Variants in ATP13A3 observed in about 807,000 individuals in gnomAD.
ATP13A3 encodes ATPase 13A3.
ATP13A3 carries 59 observed loss-of-function variants against 158.1 expected under a neutral mutation model. The ratio of observed to expected loss-of-function variants is 0.37; its 90% CI spans 0.30 to 0.46. The LOEUF (loss-of-function observed/expected upper bound fraction) is 0.46. ATP13A3 is among the 20% of genes least tolerant of loss of function. The probability of loss-of-function intolerance (pLI) is 1.00; values close to 1 mark genes in which losing one functional copy is unlikely to be tolerated. For missense variants in ATP13A3, 1,166 were observed against 1,525.2 expected (o/e 0.76, Z 3.92); for synonymous variants, 491 against 504.3 (o/e 0.97, Z 0.35).
rs1714880571 is a variant in ATP13A3 at position 194,405,662 on chromosome 3, A to C, written c.*257T>G. ...AATATCACTGAAAGTAACAATCAAG[A>C]AAATTCTGGAAATGTATGTAATATT... On this transcript the variant is annotated 3_prime_UTR_variant, in exon 34 of 34. Coordinates refer to ENST00000645319, the MANE Select transcript of ATP13A3 (RefSeq NM_001367549.1). 3 of 390,642 alleles carry C rather than the reference A, an allele frequency of 7.7e-6. No individual in the cohort carries two copies. The highest frequency in any genetic ancestry group is 4.1e-5 in the African/African-American group (2 of 48,784). 24.2% of individuals were successfully genotyped at this position (390,642 alleles called of 1,614,324 possible). A position where few individuals can be genotyped will look rare whatever the true frequency, so the allele number is the denominator to read the frequency against.
chr3:194,477,088 T>C (rs1720558077), intron 2 of ATP13A3, among the ~76,000 whole-genome samples: 1 of 152,186 alleles, frequency 6.6e-6, no homozygotes, highest in Non-Finnish European at 1.5e-5. Context: ...AGCCCTACTG[T>C]TCCCTGACTC....
chr3:194,435,272 G>C (rs1360356591), intron 20 of ATP13A3, among the ~76,000 whole-genome samples: 1 of 152,210 alleles, frequency 6.6e-6, no homozygotes, highest in East Asian at 1.9e-4. Flanking sequence ...TCAATGTGAA[G>C]ACAATGTGTC....
chr3:194,404,861 A>G lies in ATP13A3; in HGVS notation c.*1058T>C, dbSNP rs1056106794. The G allele has an allele frequency of 1.3e-5, 2 of 152,150 alleles. No individual in the cohort carries two copies. The highest frequency in any genetic ancestry group is 4.8e-5 in the African/African-American group (2 of 41,428). 9.4% of individuals were successfully genotyped at this position (152,150 alleles called of 1,614,324 possible). A position where few individuals can be genotyped will look rare whatever the true frequency, so the allele number is the denominator to read the frequency against. On this transcript the variant is annotated 3_prime_UTR_variant, in exon 34 of 34. Coordinates refer to ENST00000645319, the MANE Select transcript of ATP13A3 (RefSeq NM_001367549.1). ...CCTAATGGCATAAAACAAACTCATC[A>G]AATTCATATTGCTTTGAAAAAACGG...
At chr3:194,421,500 C>G (rs1716372406) in intron 30 of ATP13A3, among the ~76,000 whole-genome samples, 1 of 134,976 alleles carries the variant, frequency 7.4e-6, no homozygotes, top group African/African-American at 2.9e-5. Flanking sequence ...TGGCAGTGAA[C>G]AGAGATCACG....
chr3:194,456,046 A>C, intron 7 of ATP13A3, 84 bp from the exon 8 acceptor site: 1 of 747,446 alleles, frequency 1.3e-6, no homozygotes, highest in Admixed American at 3.0e-5. Context: ...GTAAGGCTTA[A>C]ACCACAGACT....
At chr3:194,461,872 T>C (rs1024564313) in intron 3 of ATP13A3, among the ~76,000 whole-genome samples, 1 of 152,246 alleles carries the variant, frequency 6.6e-6, no homozygotes, top group Non-Finnish European at 1.5e-5. Context: ...TTTAGGATTA[T>C]ATTAGCCAAT....
chr3:194,415,273 T>C lies in ATP13A3; in HGVS notation c.3403-1434A>G, dbSNP rs138143711. ...CTTAACAAGTAAGAGGCTAACGGCCTTGCTGAGGGCCGTTTCAGTAGATTG... is the reference window on the plus strand; with the variant it reads ...CTTAACAAGTAAGAGGCTAACGGCCCTGCTGAGGGCCGTTTCAGTAGATTG... On this transcript the variant is annotated intron_variant, in intron 31 of 33. Coordinates refer to ENST00000645319, the MANE Select transcript of ATP13A3 (RefSeq NM_001367549.1). Among the ~76,000 whole-genome samples the C allele has an allele frequency of 1.6e-3, 245 of 152,330 alleles. 1 individual carries two copies. The highest frequency in any genetic ancestry group is 5.7e-3 in the African/African-American group (236 of 41,570).
chr3:194,473,763 A>G (rs1007302376), intron 2 of ATP13A3, among the ~76,000 whole-genome samples: 5 of 152,210 alleles, frequency 3.3e-5, no homozygotes, highest in Admixed American at 6.5e-5. Flanking sequence ...GCAGGGGGAA[A>G]AAACCTAGAA....
intron 1 of ATP13A3, among the ~76,000 whole-genome samples, chr3:194,486,335 G>GC (rs1450297835): frequency 1.3e-5 from 2 of 151,952 alleles, no homozygotes; most frequent in Admixed American, 6.6e-5. Context: ...CAAGCGCCCG[G>GC]CCCCCACGCT....
chr3:194,462,532 G>A (rs904855057), intron 2 of ATP13A3, among the ~76,000 whole-genome samples: 1 of 152,192 alleles, frequency 6.6e-6, no homozygotes, highest in Non-Finnish European at 1.5e-5. Context: ...TCTAATGCCT[G>A]ATGATCTGAG....
intron 30 of ATP13A3, among the ~76,000 whole-genome samples, chr3:194,424,106 G>A (rs62286672): frequency 0.043 from 6,458 of 151,764 alleles, 234 homozygotes; most frequent in Non-Finnish European, 0.062. Flanking sequence ...TAGAAATACC[G>A]TGGCAAACCT....
At chr3:194,477,845 G>C (rs910100720) in intron 2 of ATP13A3, among the ~76,000 whole-genome samples, 9 of 152,168 alleles carry the variant, frequency 5.9e-5, no homozygotes, top group African/African-American at 2.2e-4. Flanking sequence ...GGTAGAGACA[G>C]AGCTGGGGCA....
At chr3:194,481,802 A>G (rs778052001) in intron 2 of ATP13A3, among the ~76,000 whole-genome samples, 19 of 152,240 alleles carry the variant, frequency 1.2e-4, no homozygotes, top group Non-Finnish European at 2.4e-4. Context: ...TGGAAATTTA[A>G]TTTCTTATCT....
At chr3:194,417,621 C>T (rs1715959152) in intron 31 of ATP13A3, among the ~76,000 whole-genome samples, 1 of 151,800 alleles carries the variant, frequency 6.6e-6, no homozygotes. Context: ...ATATGGAGTC[C>T]CTAAAACACT....
intron 33 of ATP13A3, among the ~76,000 whole-genome samples, chr3:194,410,997 G>T (rs1166369710): frequency 6.6e-6 from 1 of 150,420 alleles, no homozygotes; most frequent in Admixed American, 6.6e-5. Flanking sequence ...TTTGCTAAAC[G>T]ACTTGAGCCC....
chr3:194,410,328 A>AAAAAAAAAT (rs1715305305), intron 33 of ATP13A3, among the ~76,000 whole-genome samples: 1 of 148,950 alleles, frequency 6.7e-6, no homozygotes, highest in Non-Finnish European at 1.5e-5. Flanking sequence ...AAAAAAAAAA[A>AAAAAAAAAT]AAACTGCTGG....
intron 2 of ATP13A3, among the ~76,000 whole-genome samples, chr3:194,484,831 A>G (rs1482363194): frequency 1.3e-5 from 2 of 152,144 alleles, no homozygotes; most frequent in Non-Finnish European, 2.9e-5. Context: ...CTAGGCAGGA[A>G]GATCACCTGA....
At chr3:194,480,432 T>C (rs1168816788) in intron 2 of ATP13A3, among the ~76,000 whole-genome samples, 2 of 149,152 alleles carry the variant, frequency 1.3e-5, no homozygotes, top group Non-Finnish European at 2.9e-5. Flanking sequence ...ATACTTTAAA[T>C]TTCATGGAAT....
intron 2 of ATP13A3, among the ~76,000 whole-genome samples, chr3:194,476,561 T>C (rs530481168): frequency 6.6e-6 from 1 of 152,148 alleles, no homozygotes; most frequent in Non-Finnish European, 1.5e-5. Flanking sequence ...ACTCATCTTT[T>C]GACTACCCTT....
Sources: gnomAD v4.1 joint callset for allele counts (sites outside exome capture counted in the v4.1 genomes callset) on GRCh38, gnomAD v4.1.1 for gene constraint, MANE v1.5 for transcripts, NCBI Gene and HGNC (gene_info 2026-07-23, HGNC 2026-07-21) for gene names.